Variants in B3GALT1 observed in about 807,000 individuals in gnomAD.
B3GALT1 encodes beta-1,3-galactosyltransferase 1.
Under a neutral mutation model 23.2 loss-of-function variants are expected in B3GALT1, and 10 were observed. The observed-to-expected ratio is 0.43, with a 90% CI of 0.27 to 0.73. The LOEUF (loss-of-function observed/expected upper bound fraction) is 0.73. B3GALT1 is among the 30% of genes least tolerant of loss of function. B3GALT1 has a pLI of 0.21. For synonymous variants in B3GALT1, 156 were observed against 141.5 expected (o/e 1.10, Z -0.73); for missense variants, 299 against 405.4 (o/e 0.74, Z 2.25).
At chr2:167,628,785 A>G (rs1020011897) in intron 2 of B3GALT1, among the ~76,000 whole-genome samples, 1 of 151,722 alleles carries the variant, frequency 6.6e-6, no homozygotes, top group African/African-American at 2.4e-5. Flanking sequence ...TTCCATCTTC[A>G]TTGTATTAAC....
At chr2:167,478,111 A>C (rs984705594) in intron 1 of B3GALT1, among the ~76,000 whole-genome samples, 1 of 152,248 alleles carries the variant, frequency 6.6e-6, no homozygotes, top group Non-Finnish European at 1.5e-5. Flanking sequence ...GCCATTATAA[A>C]GAATTTCTTT....
intron 3 of B3GALT1, among the ~76,000 whole-genome samples, chr2:167,671,284 G>A (rs1167438663): frequency 6.6e-6 from 1 of 152,056 alleles, no homozygotes; most frequent in South Asian, 2.1e-4. Flanking sequence ...GGAAACAGTG[G>A]GAGGAATAAC....
Position 167,740,360 on chromosome 2 carries a change from A to G in B3GALT1, c.-351-78312A>G, listed in dbSNP as rs149888033. Among the ~76,000 whole-genome samples the G allele has an allele frequency of 8.3e-3, 1,267 of 152,252 alleles. 10 individuals carry two copies. Among genetic ancestry groups the G allele is most frequent in the Non-Finnish European group, 0.013 (865 of 68,004 alleles). ...AGAGTTCTTTGGCCTATTTCTCTCC[A>G]GGAATGTTGGTACATGCTGTTCCTG... is the stretch of plus-strand genomic sequence containing the variant. On this transcript the variant is annotated intron_variant, in intron 3 of 4. Coordinates refer to ENST00000392690, the MANE Select transcript of B3GALT1 (RefSeq NM_020981.4).
intron 1 of B3GALT1, among the ~76,000 whole-genome samples, chr2:167,470,333 A>G (rs1699405636): frequency 6.6e-6 from 1 of 152,204 alleles, no homozygotes; most frequent in African/African-American, 2.4e-5. Flanking sequence ...AGCAATTAAA[A>G]TTTAAGTAGA....
intron 2 of B3GALT1, among the ~76,000 whole-genome samples, chr2:167,602,161 A>G (rs16853846): frequency 0.016 from 2,388 of 152,316 alleles, 77 homozygotes; most frequent in African/African-American, 0.055. Flanking sequence ...GAAAGCTACT[A>G]TGAAAATAGC....
intron 3 of B3GALT1, among the ~76,000 whole-genome samples, chr2:167,694,375 C>T (rs1223925784): frequency 2.0e-5 from 3 of 151,966 alleles, no homozygotes; most frequent in African/African-American, 7.3e-5. Context: ...TTATTTTTGG[C>T]TTATACCTCA....
intron 2 of B3GALT1, among the ~76,000 whole-genome samples, chr2:167,575,053 C>G (rs1684357749): frequency 6.6e-6 from 1 of 151,732 alleles, no homozygotes; most frequent in South Asian, 2.1e-4. Context: ...ACTGGCTTTA[C>G]AACTTACAGA....
intron 4 of B3GALT1, among the ~76,000 whole-genome samples, chr2:167,855,220 G>T (rs1482757473): frequency 6.6e-6 from 1 of 152,120 alleles, no homozygotes; most frequent in Non-Finnish European, 1.5e-5. Flanking sequence ...TTAAGTCATG[G>T]ATAATTAAAG....
At chr2:167,679,424 T>C (rs1293599290) in intron 3 of B3GALT1, among the ~76,000 whole-genome samples, 3 of 150,700 alleles carry the variant, frequency 2.0e-5, no homozygotes, top group Admixed American at 6.6e-5. Context: ...TGGCTAATTT[T>C]TGTATTATTA....
chr2:167,638,752 A>G (rs577035453), intron 2 of B3GALT1, among the ~76,000 whole-genome samples: 14 of 152,148 alleles, frequency 9.2e-5, no homozygotes, highest in Middle Eastern at 3.4e-3. Flanking sequence ...CATGGTAAAT[A>G]AGAAAAAATT....
At chr2:167,728,778 C>T (rs1268516154) in intron 3 of B3GALT1, among the ~76,000 whole-genome samples, 6 of 152,108 alleles carry the variant, frequency 3.9e-5, no homozygotes, top group African/African-American at 1.2e-4. Flanking sequence ...CAGACAACCA[C>T]TTTTTATTGA....
intron 4 of B3GALT1, among the ~76,000 whole-genome samples, chr2:167,838,784 T>C (rs1228676864): frequency 1.3e-5 from 2 of 152,248 alleles, no homozygotes; most frequent in African/African-American, 4.8e-5. Context: ...CTCAATAAAA[T>C]ACTGGCAAAC....
intron 2 of B3GALT1, among the ~76,000 whole-genome samples, chr2:167,555,768 A>G (rs1000136999): frequency 6.6e-6 from 1 of 152,190 alleles, no homozygotes; most frequent in African/African-American, 2.4e-5. Context: ...GAAGGGTTCT[A>G]CTTACCATAT....
chr2:167,368,477 T>A (rs1301472802), intron 1 of B3GALT1, among the ~76,000 whole-genome samples: 2 of 152,162 alleles, frequency 1.3e-5, no homozygotes, highest in Non-Finnish European at 1.5e-5. Context: ...GGTCTGGCTA[T>A]CTAGAGGGCA....
At chr2:167,298,402 C>T (rs1696391196) in intron 1 of B3GALT1, among the ~76,000 whole-genome samples, 2 of 151,976 alleles carry the variant, frequency 1.3e-5, no homozygotes, top group African/African-American at 4.8e-5. Context: ...CTAGTTTGTG[C>T]ATTTTATTAT....
At chr2:167,605,994 A>C (rs112167351) in intron 2 of B3GALT1, among the ~76,000 whole-genome samples, 45 of 152,300 alleles carry the variant, frequency 3.0e-4, no homozygotes, top group African/African-American at 1.0e-3. Context: ...GGATGGCTCT[A>C]TTGGCAAAGA....
chr2:167,732,116 A>G (rs954219583), intron 3 of B3GALT1, among the ~76,000 whole-genome samples: 1 of 152,178 alleles, frequency 6.6e-6, no homozygotes, highest in Non-Finnish European at 1.5e-5. Flanking sequence ...ACCTGATGCC[A>G]TTGTGATAAA....
rs61323885 is a variant in B3GALT1 at position 167,303,644 on chromosome 2, T to TAC, written c.-511+10348_-511+10349dup. 8.5e-3 allele frequency among the ~76,000 whole-genome samples: 1,238 copies of TAC among 144,982 alleles called. 18 individuals carry two copies. Among genetic ancestry groups the TAC allele is most frequent in the African/African-American group, 0.025 (979 of 38,426 alleles). ...TCTCCTGCTCTTGGAAACACACACATACACACACACACACACACACACACA... is the reference window on the plus strand; with the variant it reads ...TCTCCTGCTCTTGGAAACACACACATACACACACACACACACACACACACACA... On this transcript the variant is annotated intron_variant, in intron 1 of 4. Transcript: ENST00000392690.
chr2:167,651,450 A>C (rs2105464427), intron 3 of B3GALT1, among the ~76,000 whole-genome samples: 1 of 152,138 alleles, frequency 6.6e-6, no homozygotes, highest in African/African-American at 2.4e-5. Context: ...ACCTCTTATA[A>C]CCTGAGTCAC....
Sources: gnomAD v4.1 joint callset for allele counts (sites outside exome capture counted in the v4.1 genomes callset) on GRCh38, gnomAD v4.1.1 for gene constraint, MANE v1.5 for transcripts, NCBI Gene and HGNC (gene_info 2026-07-23, HGNC 2026-07-21) for gene names.